ELP4: variants seen among roughly 807,000 people sequenced by gnomAD.
ELP4 encodes the protein elongator acetyltransferase complex subunit 4, also known as elongator complex protein 4.
A neutral mutation model predicts 48.9 loss-of-function variants in ELP4; 51 were observed. The ratio of observed to expected loss-of-function variants is 1.04; its 90% CI spans 0.83 to 1.32. The LOEUF (loss-of-function observed/expected upper bound fraction) is 1.32, where lower values mean the gene tolerates loss of function less well. Ranked by LOEUF, ELP4 falls within the 40% of genes most tolerant of loss-of-function variation. The pLI is 0.00. For synonymous variants in ELP4, 210 were observed against 189.2 expected, an observed-to-expected ratio of 1.11 and a Z score of -0.90; for missense variants, 519 against 514.6, an observed-to-expected ratio of 1.01 and a Z score of -0.08.
At chr11:31,731,323 G>A (rs7941444) in intron 9 of ELP4, among the ~76,000 whole-genome samples, 41,146 of 152,006 alleles carry the variant, frequency 0.27, 5,764 homozygotes, top group South Asian at 0.34. Flanking sequence ...GAAACTATGT[G>A]TGAACAAAAT....
At chr11:31,560,845 G>A (rs1301905100) in intron 3 of ELP4, among the ~76,000 whole-genome samples, 1 of 151,530 alleles carries the variant, frequency 6.6e-6, no homozygotes, top group East Asian at 1.9e-4. Context: ...TATTTTTATG[G>A]TACCTTTGCT....
chr11:31,698,877 A>C (rs1377933905), intron 9 of ELP4, among the ~76,000 whole-genome samples: 1 of 152,186 alleles, frequency 6.6e-6, no homozygotes, highest in Admixed American at 6.6e-5. Context: ...AATACATATT[A>C]CCATGGAGCA....
chr11:31,701,269 T>C (rs1178550797), intron 9 of ELP4, among the ~76,000 whole-genome samples: 2 of 152,148 alleles, frequency 1.3e-5, no homozygotes, highest in Admixed American at 6.5e-5. Flanking sequence ...TTCTGTTATA[T>C]AGCCAATATA....
chr11:31,522,366 T>C (rs1026532212), intron 2 of ELP4, among the ~76,000 whole-genome samples: 2 of 152,230 alleles, frequency 1.3e-5, no homozygotes, highest in African/African-American at 2.4e-5. Flanking sequence ...TCCTGGGTAT[T>C]CCACCCAAAT....
intron 3 of ELP4, among the ~76,000 whole-genome samples, chr11:31,571,320 G>A (rs1957190795): frequency 6.6e-6 from 1 of 152,172 alleles, no homozygotes; most frequent in African/African-American, 2.4e-5. Flanking sequence ...TTCTTGTCCA[G>A]AAGTACCAAC....
chr11:31,714,135 G>C (rs1193206686), intron 9 of ELP4, among the ~76,000 whole-genome samples: 1 of 152,110 alleles, frequency 6.6e-6, no homozygotes, highest in Admixed American at 6.6e-5. Flanking sequence ...AACTGCTTAA[G>C]TCTGGTAAGA....
intron 9 of ELP4, among the ~76,000 whole-genome samples, chr11:31,665,816 A>G (rs1945661219): frequency 6.6e-6 from 1 of 150,410 alleles, no homozygotes; most frequent in Admixed American, 6.6e-5. Context: ...CACCATGCCC[A>G]GCTAATTTTT....
chr11:31,698,499 A>G (rs1297767372), intron 9 of ELP4, among the ~76,000 whole-genome samples: 3 of 151,890 alleles, frequency 2.0e-5, no homozygotes, highest in African/African-American at 7.3e-5. Context: ...TGCAACCTAC[A>G]TCTCCTGGGT....
At chr11:31,679,012 A>G (rs35317814) in intron 9 of ELP4, among the ~76,000 whole-genome samples, 1,850 of 152,284 alleles carry the variant, frequency 0.012, 21 homozygotes, top group Non-Finnish European at 0.02. Context: ...AATTTTCTGG[A>G]CATATGATAT....
chr11:31,701,846 G>T (rs1438932802), intron 9 of ELP4, among the ~76,000 whole-genome samples: 1 of 151,032 alleles, frequency 6.6e-6, no homozygotes, highest in Non-Finnish European at 1.5e-5. Flanking sequence ...TTTTAAAATG[G>T]GTAAACAAAA....
intron 3 of ELP4, among the ~76,000 whole-genome samples, chr11:31,592,302 G>C (rs1426107031): frequency 6.6e-6 from 1 of 152,016 alleles, no homozygotes; most frequent in East Asian, 1.9e-4. Context: ...CCAGCACTTT[G>C]GGAGGCCGAG....
intron 6 of ELP4, among the ~76,000 whole-genome samples, 160 bp downstream of exon 6, chr11:31,627,354 A>G (rs1318197216): frequency 6.6e-6 from 1 of 152,036 alleles, no homozygotes; most frequent in Non-Finnish European, 1.5e-5. Context: ...AAGCAGCCTT[A>G]GTTTGACTGT....
At chr11:31,593,706 C>T (rs1957627264) in intron 3 of ELP4, among the ~76,000 whole-genome samples, 1 of 152,152 alleles carries the variant, frequency 6.6e-6, no homozygotes, top group African/African-American at 2.4e-5. Context: ...TTACACTATA[C>T]TCTCACAAAT....
intron 4 of ELP4, among the ~76,000 whole-genome samples, chr11:31,601,412 C>T (rs1957779704): frequency 6.6e-6 from 1 of 151,904 alleles, no homozygotes; most frequent in Non-Finnish European, 1.5e-5. Context: ...GCTACCATAT[C>T]TAATTTTAAT....
chr11:31,695,952 T>G (rs1056695102), intron 9 of ELP4, among the ~76,000 whole-genome samples: 4 of 151,858 alleles, frequency 2.6e-5, no homozygotes, highest in African/African-American at 4.8e-5. Flanking sequence ...AGTTTATTTG[T>G]GTAGAGGTGT....
chr11:31,753,279 C>T (rs572702589), intron 9 of ELP4, among the ~76,000 whole-genome samples: 1 of 152,268 alleles, frequency 6.6e-6, no homozygotes, highest in Non-Finnish European at 1.5e-5. Context: ...TGATTTTGCC[C>T]TCTACTTTAT....
At position 31,608,583 on chromosome 11, in the gene ELP4, C is replaced by T. The variant is rs1374633665; in HGVS notation, c.653+4676C>T. 2.6e-4 allele frequency among the ~76,000 whole-genome samples: 21 copies of T among 79,326 alleles called. No homozygotes were observed. The East Asian group carries it at 5.5e-3, about 21-fold the overall frequency. The allele number at this position is 79,326 out of a possible 152,430, so 52.0% of individuals were successfully genotyped here. A position where few individuals can be genotyped will look rare whatever the true frequency, so the allele number is the denominator to read the frequency against. On this transcript the variant is annotated intron_variant, in intron 5 of 9. Coordinates refer to ENST00000640961, the MANE Select transcript of ELP4 (RefSeq NM_019040.5). Reference sequence around the variant, plus strand: ...CTGGGTTAACGAGAGAGGTGGGTAGCGGGTGCTGGGTGGGGGGGTCAGGGG... The same window carrying T: ...CTGGGTTAACGAGAGAGGTGGGTAGTGGGTGCTGGGTGGGGGGGTCAGGGG...
chr11:31,678,014 TC>T (rs1265890122), intron 9 of ELP4, among the ~76,000 whole-genome samples: 2 of 152,240 alleles, frequency 1.3e-5, no homozygotes, highest in East Asian at 3.9e-4. Context: ...CATCTTTCTC[TC>T]CCCCTTCTTT....
chr11:31,746,564 AATG>A (rs2134230875), intron 9 of ELP4, among the ~76,000 whole-genome samples: 1 of 152,352 alleles, frequency 6.6e-6, no homozygotes, highest in African/African-American at 2.4e-5. Flanking sequence ...AGCCATAAAA[AATG>A]ATGAGTTCAT....
Sources: allele counts gnomAD v4.1 joint callset (sites outside exome capture counted in the v4.1 genomes callset), GRCh38; gene constraint gnomAD v4.1.1; transcripts MANE v1.5; gene names NCBI Gene and HGNC (gene_info 2026-07-23, HGNC 2026-07-21).